RIMS2: variants seen among roughly 807,000 people sequenced by gnomAD.
The protein encoded by RIMS2 is regulating synaptic membrane exocytosis protein 2.
A neutral mutation model predicts 174.4 loss-of-function variants in RIMS2; 59 were observed. The observed-to-expected ratio is 0.34, with a 90% CI of 0.27 to 0.42. RIMS2 has a LOEUF of 0.42. RIMS2 is among the 10% of genes least tolerant of loss of function. The pLI is 1.00. For missense variants in RIMS2, 1,620 were observed against 1,666.3 expected (o/e 0.97, Z 0.48); for synonymous variants, 606 against 572.5 (o/e 1.06, Z -0.84).
At chr8:103,896,889 T>C (rs2154523030) in intron 4 of RIMS2, among the ~76,000 whole-genome samples, 1 of 151,636 alleles carries the variant, frequency 6.6e-6, no homozygotes, top group East Asian at 1.9e-4. Flanking sequence ...TGTCCTAGCT[T>C]TGGACTCATG....
At chr8:103,534,382 T>G (rs150820774) in intron 1 of RIMS2, among the ~76,000 whole-genome samples, 212 of 152,330 alleles carry the variant, frequency 1.4e-3, no homozygotes, top group African/African-American at 4.9e-3. Flanking sequence ...GACATATACA[T>G]ATTTCAAAAT....
At chr8:103,563,891 T>G (rs2091979994) in intron 1 of RIMS2, among the ~76,000 whole-genome samples, 1 of 152,114 alleles carries the variant, frequency 6.6e-6, no homozygotes. Flanking sequence ...CAGGGGAAAC[T>G]CTCTTATAAA....
intron 2 of RIMS2, among the ~76,000 whole-genome samples, chr8:103,734,317 CTTTTTTTT>C: frequency 8.2e-6 from 1 of 121,712 alleles, no homozygotes; most frequent in East Asian, 2.5e-4. Context: ...GGCCTAAAAG[CTTTTTTTT>C]TTTTTTTTTT....
exon 1 of RIMS2, chr8:103,500,866 G>T: frequency 6.4e-7 from 1 of 1,562,570 alleles, no homozygotes; most frequent in South Asian, 1.2e-5. Flanking sequence ...GCTTCCCTAG[G>T]GTGGTTCGGC....
chr8:103,910,194 T>C (rs1565252020), exon 5 of RIMS2: 3 of 1,606,872 alleles, frequency 1.9e-6, no homozygotes, highest in Non-Finnish European at 1.7e-6. Flanking sequence ...GCATCCCCAA[T>C]GTCTTTGGTG....
chr8:103,604,593 A>G (rs1304303814), intron 1 of RIMS2, among the ~76,000 whole-genome samples: 4 of 150,958 alleles, frequency 2.6e-5, no homozygotes, highest in African/African-American at 9.8e-5. Flanking sequence ...CTTGGGCAGT[A>G]TGGCCATTTT....
At chr8:103,715,778 G>A (rs142498188) in intron 2 of RIMS2, among the ~76,000 whole-genome samples, 2 of 152,128 alleles carry the variant, frequency 1.3e-5, no homozygotes, top group African/African-American at 4.8e-5. Context: ...GTTATATTAA[G>A]TATAAAAGAC....
intron 3 of RIMS2, among the ~76,000 whole-genome samples, chr8:103,795,967 TA>T (rs2098547245): frequency 6.6e-6 from 1 of 152,202 alleles, no homozygotes; most frequent in African/African-American, 2.4e-5. Context: ...TGTCATCCCC[TA>T]GCCCATCTTA....
At chr8:103,677,691 T>C (rs912379231) in intron 1 of RIMS2, among the ~76,000 whole-genome samples, 3 of 152,154 alleles carry the variant, frequency 2.0e-5, no homozygotes, top group Non-Finnish European at 4.4e-5. Flanking sequence ...TTAAAAACTT[T>C]GGGCAAATTA....
At chr8:103,818,033 T>C (rs1429449993) in intron 3 of RIMS2, among the ~76,000 whole-genome samples, 1 of 151,776 alleles carries the variant, frequency 6.6e-6, no homozygotes, top group Admixed American at 6.6e-5. Context: ...TGAAATAAAA[T>C]GGGGGCACTC....
At chr8:104,056,415 A>AT (rs1414690670) in intron 19 of RIMS2, among the ~76,000 whole-genome samples, 1 of 151,632 alleles carries the variant, frequency 6.6e-6, no homozygotes, top group Non-Finnish European at 1.5e-5. Flanking sequence ...AAAAAAAAAA[A>AT]GGAGTTTTGT....
At chr8:103,663,712 G>A (rs1394908167) in intron 1 of RIMS2, among the ~76,000 whole-genome samples, 2 of 152,088 alleles carry the variant, frequency 1.3e-5, no homozygotes, top group Non-Finnish European at 2.9e-5. Flanking sequence ...ACTGCCCAAG[G>A]TAATTTATAG....
intron 19 of RIMS2, among the ~76,000 whole-genome samples, chr8:104,146,204 C>CAA (rs36101798): frequency 0.18 from 11,822 of 65,986 alleles, 1,024 homozygotes; most frequent in Non-Finnish European, 0.21. Flanking sequence ...TCTCCTCTCC[C>CAA]AAAAAAAAAA....
intron 3 of RIMS2, among the ~76,000 whole-genome samples, chr8:103,806,342 T>C (rs2098649757): frequency 6.6e-6 from 1 of 152,152 alleles, no homozygotes; most frequent in Non-Finnish European, 1.5e-5. Flanking sequence ...CCAAGGACCC[T>C]TAGAAACTAT....
chr8:103,878,020 G>A (rs959724746), intron 3 of RIMS2, among the ~76,000 whole-genome samples: 1 of 151,784 alleles, frequency 6.6e-6, no homozygotes, highest in Non-Finnish European at 1.5e-5. Flanking sequence ...TGTTTAGGGA[G>A]AGACCTGTTG....
At chr8:103,617,152 A>T (rs1194356078) in intron 1 of RIMS2, among the ~76,000 whole-genome samples, 3 of 152,350 alleles carry the variant, frequency 2.0e-5, no homozygotes, top group South Asian at 4.1e-4. Context: ...CCAGCATGGT[A>T]TGGATGTGAA....
chr8:104,115,869 G>A (rs531487481), intron 19 of RIMS2, among the ~76,000 whole-genome samples: 2 of 152,248 alleles, frequency 1.3e-5, no homozygotes, highest in South Asian at 4.1e-4. Context: ...TGTTTCAGGA[G>A]ATCAGAAACC....
At chr8:103,556,389 A>G (rs1050557268) in intron 1 of RIMS2, among the ~76,000 whole-genome samples, 2 of 152,170 alleles carry the variant, frequency 1.3e-5, no homozygotes, top group Non-Finnish European at 2.9e-5. Flanking sequence ...GTAAAATGAC[A>G]TACTTTCTCA....
chr8:104,107,442 T>A (rs971673088), intron 19 of RIMS2, among the ~76,000 whole-genome samples: 1 of 152,206 alleles, frequency 6.6e-6, no homozygotes, highest in Admixed American at 6.5e-5. Flanking sequence ...CATTTTTATC[T>A]TTTTATTTTT....
Sources: allele counts gnomAD v4.1 joint callset (sites outside exome capture counted in the v4.1 genomes callset), GRCh38; gene constraint gnomAD v4.1.1; transcripts MANE v1.5; gene names NCBI Gene and HGNC (gene_info 2026-07-23, HGNC 2026-07-21).